SPTLC3: variants seen among roughly 807,000 people sequenced by gnomAD.
SPTLC3 encodes the protein serine palmitoyltransferase 3.
A neutral mutation model predicts 59.3 loss-of-function variants in SPTLC3; 36 were observed. That is an observed-to-expected ratio of 0.61 (90% CI 0.47 to 0.80). The LOEUF is 0.80. SPTLC3 is among the 30% of genes least tolerant of loss of function. The pLI, the probability that SPTLC3 is intolerant of heterozygous loss-of-function variation, is 0.00. For missense variants in SPTLC3, 625 were observed against 685.1 expected, an observed-to-expected ratio of 0.91 and a Z score of 0.98; for synonymous variants, 257 against 240.8, an observed-to-expected ratio of 1.07 and a Z score of -0.62.
At chr20:13,074,018 T>A (rs964946422) in intron 3 of SPTLC3, 5 of 630,024 alleles carry the variant, frequency 7.9e-6, no homozygotes, top group African/African-American at 5.4e-5. Context: ...CCTGTCTCCA[T>A]CCAGTCAAGC....
chr20:13,156,453 A>G (rs759051506), intron 10 of SPTLC3, among the ~76,000 whole-genome samples: 2 of 152,212 alleles, frequency 1.3e-5, no homozygotes, highest in African/African-American at 4.8e-5. Context: ...AAGGTTTGGA[A>G]TCAAAAAGAA....
chr20:13,107,812 T>G (rs188948436), intron 6 of SPTLC3, among the ~76,000 whole-genome samples: 1 of 151,594 alleles, frequency 6.6e-6, no homozygotes, highest in Non-Finnish European at 1.5e-5. Flanking sequence ...TCTGATAACA[T>G]GCCAGATATT....
intron 9 of SPTLC3, among the ~76,000 whole-genome samples, chr20:13,145,064 C>A (rs896824268): frequency 6.6e-6 from 1 of 151,962 alleles, no homozygotes; most frequent in Non-Finnish European, 1.5e-5. Context: ...TGTGAGCCAC[C>A]GCACCTGGCC....
At chr20:13,115,976 C>G (rs1046293334) in intron 7 of SPTLC3, among the ~76,000 whole-genome samples, 8 of 152,172 alleles carry the variant, frequency 5.3e-5, no homozygotes, top group African/African-American at 1.7e-4. Flanking sequence ...ACAATTTTAA[C>G]AAGCAATTAA....
chr20:13,104,390 G>T (rs1022182883), intron 6 of SPTLC3, among the ~76,000 whole-genome samples: 1 of 152,122 alleles, frequency 6.6e-6, no homozygotes, highest in Non-Finnish European at 1.5e-5. Flanking sequence ...ATCTAATGGT[G>T]TTATAAAGGT....
chr20:13,031,420 C>A (rs1313176073), intron 1 of SPTLC3, among the ~76,000 whole-genome samples: 2 of 152,128 alleles, frequency 1.3e-5, no homozygotes, highest in Non-Finnish European at 2.9e-5. Context: ...TTGCTCACAC[C>A]ATTTCACCTG....
intron 1 of SPTLC3, among the ~76,000 whole-genome samples, chr20:13,038,315 T>C (rs1261831502): frequency 6.6e-6 from 1 of 152,098 alleles, no homozygotes; most frequent in Non-Finnish European, 1.5e-5. Flanking sequence ...ACATCTGGGA[T>C]TGGGCTTTTT....
intron 2 of SPTLC3, among the ~76,000 whole-genome samples, chr20:13,055,443 T>G (rs964595449): frequency 6.6e-6 from 1 of 152,070 alleles, no homozygotes; most frequent in Admixed American, 6.5e-5. Context: ...GAGGCTCTTA[T>G]CACCAGTCGG....
At chr20:13,113,265 C>T (rs897133906) in intron 7 of SPTLC3, among the ~76,000 whole-genome samples, 1 of 152,168 alleles carries the variant, frequency 6.6e-6, no homozygotes, top group African/African-American at 2.4e-5. Flanking sequence ...TTCACAAATG[C>T]ACTCCTACTT....
chr20:13,136,372 G>A (rs1029087894), intron 9 of SPTLC3, among the ~76,000 whole-genome samples: 3 of 152,016 alleles, frequency 2.0e-5, no homozygotes, highest in Admixed American at 6.6e-5. Flanking sequence ...CAAGGCAGGT[G>A]GATCACCCGA....
chr20:13,033,853 T>A (rs16993660), intron 1 of SPTLC3, among the ~76,000 whole-genome samples: 13,109 of 152,198 alleles, frequency 0.086, 759 homozygotes, highest in African/African-American at 0.16. Context: ...TCCAGCCTGG[T>A]GCTTTTTAGG....
chr20:13,106,274 A>G (rs769296826), intron 6 of SPTLC3, among the ~76,000 whole-genome samples: 1 of 152,172 alleles, frequency 6.6e-6, no homozygotes, highest in Non-Finnish European at 1.5e-5. Flanking sequence ...TTATTAGGTA[A>G]TGATTGAGCC....
At chr20:13,017,041 AGTC>A (rs1351052794) in intron 1 of SPTLC3, among the ~76,000 whole-genome samples, 1 of 152,158 alleles carries the variant, frequency 6.6e-6, no homozygotes, top group Non-Finnish European at 1.5e-5. Flanking sequence ...CTTATCCTTT[AGTC>A]CACGCTTCCC....
intron 4 of SPTLC3, among the ~76,000 whole-genome samples, chr20:13,088,784 A>ATTTTTTTTTTTTTTTTTTTTTTTTTTTTT: frequency 8.9e-6 from 1 of 111,888 alleles, no homozygotes; most frequent in Non-Finnish European, 1.7e-5. Context: ...GCACCCGGCT[A>ATTTTTTTTTTTTTTTTTTTTTTTTTTTTT]TTTTTTTTTT....
At chr20:13,112,480 C>T (rs1990288104) in intron 7 of SPTLC3, among the ~76,000 whole-genome samples, 1 of 152,178 alleles carries the variant, frequency 6.6e-6, no homozygotes. Context: ...GAGGCCAGCC[C>T]CGATTCAAAA....
intron 9 of SPTLC3, among the ~76,000 whole-genome samples, chr20:13,134,427 G>T (rs1463720190): frequency 1.3e-5 from 2 of 152,168 alleles, no homozygotes; most frequent in Non-Finnish European, 2.9e-5. Flanking sequence ...GTTGGGGAAA[G>T]TTCCCCCGCA....
chr20:13,036,384 G>T (rs954284532), intron 1 of SPTLC3, among the ~76,000 whole-genome samples: 1 of 151,704 alleles, frequency 6.6e-6, no homozygotes, highest in Non-Finnish European at 1.5e-5. Flanking sequence ...AGCCTACTTA[G>T]TGTGAAGTCA....
intron 2 of SPTLC3, among the ~76,000 whole-genome samples, chr20:13,052,024 A>T (rs1452592505): frequency 2.6e-5 from 4 of 152,182 alleles, no homozygotes; most frequent in African/African-American, 9.7e-5. Flanking sequence ...AACTAGAGAA[A>T]CTTGAACAAA....
chr20:13,127,257 T>G (rs2038016107), intron 9 of SPTLC3, among the ~76,000 whole-genome samples: 1 of 152,240 alleles, frequency 6.6e-6, no homozygotes, highest in Admixed American at 6.5e-5. Context: ...ATTAATCCTC[T>G]TTTTGAAAAA....
Sources: gnomAD v4.1 joint callset for allele counts (sites outside exome capture counted in the v4.1 genomes callset) on GRCh38, gnomAD v4.1.1 for gene constraint, MANE v1.5 for transcripts, NCBI Gene and HGNC (gene_info 2026-07-23, HGNC 2026-07-21) for gene names.